Variants in SEL1L3 observed in about 807,000 individuals in gnomAD.
The protein encoded by SEL1L3 is SEL1L family member 3, also known as protein sel-1 homolog 3.
In SEL1L3, 76 loss-of-function variants were observed where a neutral mutation model predicts 142.8. That is an observed-to-expected ratio of 0.53 (90% CI 0.44 to 0.64). The LOEUF is 0.64. SEL1L3 is among the 30% of genes least tolerant of loss of function. The pLI is 0.00. For missense variants in SEL1L3, 1,262 were observed against 1,381.7 expected (o/e 0.91, Z 1.37); for synonymous variants, 504 against 519.6 (o/e 0.97, Z 0.41).
chr4:25,860,930 T>G (rs1717662919), intron 1 of SEL1L3, among the ~76,000 whole-genome samples: 1 of 152,188 alleles, frequency 6.6e-6, no homozygotes, highest in Non-Finnish European at 1.5e-5. Flanking sequence ...ACACAGAACT[T>G]TCACAGGAAT....
At chr4:25,802,746 T>C (rs1410302937) in intron 10 of SEL1L3, among the ~76,000 whole-genome samples, 2 of 152,162 alleles carry the variant, frequency 1.3e-5, no homozygotes, top group African/African-American at 2.4e-5. Flanking sequence ...AATGCCCAGC[T>C]AATTTTTTAT....
chr4:25,853,902 C>T (rs1011458433), intron 1 of SEL1L3, among the ~76,000 whole-genome samples: 1 of 152,096 alleles, frequency 6.6e-6, no homozygotes, highest in African/African-American at 2.4e-5. Context: ...GAACTCCTGA[C>T]CTCAGGTGAT....
chr4:25,798,224 T>TTTGTTG (rs1039108281), intron 11 of SEL1L3, among the ~76,000 whole-genome samples: 1 of 152,012 alleles, frequency 6.6e-6, no homozygotes, highest in Non-Finnish European at 1.5e-5. Flanking sequence ...AGGACTGTAT[T>TTTGTTG]TTGTTGTTGT....
the SEL1L3 span, among the ~76,000 whole-genome samples, chr4:25,732,015 A>G: frequency 6.6e-6 from 1 of 152,078 alleles, no homozygotes; most frequent in Non-Finnish European, 1.5e-5. Context: ...TGGAGGTTGC[A>G]GTGATCGGAA....
intron 2 of SEL1L3, among the ~76,000 whole-genome samples, chr4:25,841,672 G>A (rs187663461): frequency 3.0e-4 from 45 of 152,140 alleles, no homozygotes; most frequent in Non-Finnish European, 4.4e-4. Flanking sequence ...AAATAACAGC[G>A]GGCCAGGCGC....
the SEL1L3 span, among the ~76,000 whole-genome samples, chr4:25,730,607 C>T: frequency 6.6e-6 from 1 of 152,084 alleles, no homozygotes; most frequent in Non-Finnish European, 1.5e-5. Context: ...GTTGGGACAG[C>T]CTCTGATGCT....
chr4:25,750,832 T>C (rs1418089807), intron 23 of SEL1L3, among the ~76,000 whole-genome samples: 2 of 152,214 alleles, frequency 1.3e-5, no homozygotes, highest in African/African-American at 4.8e-5. Flanking sequence ...CATACTCTTT[T>C]TAAAAGAACA....
At chr4:25,863,326 C>A, upstream of SEL1L3, 1 of 587,624 alleles carries the variant, frequency 1.7e-6, no homozygotes, top group South Asian at 1.9e-5. Context: ...TCCTTCTCCC[C>A]TCGCGCTCCC....
At chr4:25,766,939 G>C (rs1261130956) in intron 19 of SEL1L3, among the ~76,000 whole-genome samples, 1 of 152,172 alleles carries the variant, frequency 6.6e-6, no homozygotes, top group African/African-American at 2.4e-5. Context: ...CCGCACAAAT[G>C]ACTGGCCCAG....
the SEL1L3 span, among the ~76,000 whole-genome samples, chr4:25,739,300 T>C: frequency 9.2e-5 from 14 of 152,298 alleles, no homozygotes; most frequent in African/African-American, 3.4e-4. Flanking sequence ...TGGTATCAGG[T>C]AGAGAGAGGC....
In SEL1L3 at chr4:25,810,065, C is replaced by T. The variant is rs545989928; in HGVS notation, c.1565-5313G>A. Reference sequence around the variant, plus strand: ...AGGCAGGCAGTGGTCCTGAAAGGGGCGCAGATGGTGTCAGCCCAGGGAGCC... The same window carrying T: ...AGGCAGGCAGTGGTCCTGAAAGGGGTGCAGATGGTGTCAGCCCAGGGAGCC... On this transcript the variant is annotated intron_variant, in intron 9 of 23. Transcript: ENST00000399878. 7.9e-5 allele frequency among the ~76,000 whole-genome samples: 12 copies of T among 152,334 alleles called. No homozygotes were observed. In the East Asian group the frequency reaches 1.9e-3, roughly 25 times the overall value.
At chr4:25,822,688 G>T (rs1262588350) in intron 6 of SEL1L3, among the ~76,000 whole-genome samples, 1 of 152,166 alleles carries the variant, frequency 6.6e-6, no homozygotes, top group Non-Finnish European at 1.5e-5. Context: ...CAGGTCAGAG[G>T]GTTTGGCCGG....
chr4:25,767,392 T>C (rs976000870), intron 19 of SEL1L3, 133 bp downstream of exon 19: 13 of 644,208 alleles, frequency 2.0e-5, no homozygotes, highest in Admixed American at 1.1e-4. Context: ...GCGATCTTAA[T>C]AGCAGAGATT....
intron 15 of SEL1L3, 98 bp from the exon 16 acceptor site, chr4:25,779,301 CT>C: frequency 7.6e-7 from 1 of 1,319,968 alleles, no homozygotes; most frequent in Non-Finnish European, 1.0e-6. Context: ...TGATTACAGG[CT>C]TATAACTTCT....
chr4:25,759,182 A>T, intron 20 of SEL1L3, 114 bp from the exon 21 acceptor site: 1 of 1,099,312 alleles, frequency 9.1e-7, no homozygotes, highest in East Asian at 2.4e-5. Flanking sequence ...AAGTCTCTAG[A>T]GCCAGATGGT....
the SEL1L3 span, among the ~76,000 whole-genome samples, chr4:25,733,890 TC>T: frequency 6.6e-6 from 1 of 152,210 alleles, no homozygotes; most frequent in African/African-American, 2.4e-5. Flanking sequence ...CTTGCTTTGT[TC>T]CAAATCTTAG....
intron 1 of SEL1L3, among the ~76,000 whole-genome samples, chr4:25,850,645 G>A (rs1274162577): frequency 6.6e-6 from 1 of 152,144 alleles, no homozygotes; most frequent in East Asian, 1.9e-4. Context: ...TTTCACACCA[G>A]TACAGTTTGC....
intron 9 of SEL1L3, 52 bp from the exon 10 acceptor site, chr4:25,804,804 G>T: frequency 7.4e-7 from 1 of 1,353,986 alleles, no homozygotes; most frequent in Non-Finnish European, 1.1e-6. Flanking sequence ...TGGGATCGAT[G>T]TGGCTTTAGA....
At position 25,758,963 on chromosome 4, in the gene SEL1L3, T is replaced by C. The variant is rs368632707; in HGVS notation, c.3061A>G (p.Ile1021Val). ...DSTLHSNNIS[I>V]LQELYERCWS... ...CACCTTTCGTACAGTTCCTGGAGAA[T>C]GGAGATGTTATTAGAATGGAGAGTT... is the stretch of plus-strand genomic sequence containing the variant. The change falls in exon 21 of 24, where the codon ATT (isoleucine) becomes GTT (valine). Residue 1021 changes from isoleucine to valine, a missense_variant. Physicochemically the swap from Ile to Val is conservative, Grantham distance 29 (BLOSUM62 3). Around this residue, in one of 3 missense-constraint regions of SEL1L3, gnomAD observed 435 missense variants for 559.2 expected, o/e 0.78. Transcript: ENST00000399878. The C allele has an allele frequency of 3.7e-6, 6 of 1,613,450 alleles. No homozygotes were observed. In the African/African-American group the frequency reaches 8.0e-5, roughly 22 times the overall value.
Sources: gnomAD v4.1 joint callset for allele counts (sites outside exome capture counted in the v4.1 genomes callset) on GRCh38, gnomAD v4.1.1 for gene constraint, gnomAD v4.1.1 regional missense constraint, MANE v1.5 for transcripts, NCBI Gene and HGNC (gene_info 2026-07-23, HGNC 2026-07-21) for gene names.